The following CACNA1D variants were observed in gnomAD, a reference collection of about 807,000 sequenced individuals.
CACNA1D encodes voltage-dependent L-type calcium channel subunit alpha-1D.
Under a neutral mutation model 257.1 loss-of-function variants are expected in CACNA1D, and 55 were observed. The observed-to-expected ratio is 0.21, with a 90% CI of 0.17 to 0.27. The LOEUF is 0.27. Among genes scored for constraint, CACNA1D ranks in the 10% least tolerant of loss-of-function variants. The pLI, the probability that CACNA1D is intolerant of heterozygous loss-of-function variation, is 1.00. For missense variants in CACNA1D, 1,876 were observed against 2,784.0 expected (o/e 0.67, Z 7.34); for synonymous variants, 980 against 1,014.9 (o/e 0.97, Z 0.65).
chr3:53,547,559 C>T (rs188931608), intron 3 of CACNA1D, among the ~76,000 whole-genome samples: 1 of 152,222 alleles, frequency 6.6e-6, no homozygotes, highest in African/African-American at 2.4e-5. Context: ...AGGGTTCTGC[C>T]TTCCTGTATT....
chr3:53,729,109 T>C (rs1343741479), intron 15 of CACNA1D, among the ~76,000 whole-genome samples: 1 of 152,152 alleles, frequency 6.6e-6, no homozygotes, highest in Non-Finnish European at 1.5e-5. Flanking sequence ...CGAGTTACCA[T>C]TACCCCAGGC....
rs1272384369 is a variant in CACNA1D, at chr3:53,791,045, G to T, written c.4923+4093G>T. On this transcript the variant is annotated intron_variant, in intron 40 of 47. Transcript: ENST00000350061. ...CGGCACCAAGCTGGTTAGTCGGAAGGCGTTTGTGGCTAAGGCCTTGAAAGG... is the reference window on the plus strand; with the variant it reads ...CGGCACCAAGCTGGTTAGTCGGAAGTCGTTTGTGGCTAAGGCCTTGAAAGG... 4.3e-6 allele frequency: 3 copies of T among 702,152 alleles called. No individual in the cohort carries two copies. In the African/African-American group the frequency reaches 5.2e-5, roughly 12 times the overall value. The allele number at this position is 702,152 out of a possible 1,614,324, so 43.5% of individuals were successfully genotyped here.
At chr3:53,517,023 G>A (rs1252917411) in intron 3 of CACNA1D, among the ~76,000 whole-genome samples, 1 of 152,130 alleles carries the variant, frequency 6.6e-6, no homozygotes, top group African/African-American at 2.4e-5. Context: ...ACTTTACTTC[G>A]TTGTGACCCT....
rs568186948 is a variant in CACNA1D, at chr3:53,495,097, C to T, written c.-70C>T. On this transcript the variant is annotated 5_prime_UTR_variant, in exon 1 of 48. Transcript: ENST00000350061. This position sits in a 1 kb window ranked among gnomAD's most constrained non-coding sequence, Gnocchi z 5.1. ...TCCTACCTCTTGGTGATCCCCTTCC[C>T]CATTCCGCCCCCGCCTCAACGCCCA... 1.1e-5 allele frequency: 13 copies of T among 1,232,426 alleles called. No homozygotes were observed. In the African/African-American group the frequency reaches 1.9e-4, roughly 18 times the overall value. 76.3% of individuals were successfully genotyped at this position (1,232,426 alleles called of 1,614,324 possible).
rs181593786 is a variant in CACNA1D, at chr3:53,784,879, G to A, written c.4793-1943G>A. ...GCTGGAGACGGCCATCTCTGGAGAG[G>A]TGGTATGAAGGATAGGATCCCAGAC... On this transcript the variant is annotated intron_variant, in intron 39 of 47. Transcript: ENST00000350061. 3.2e-4 allele frequency among the ~76,000 whole-genome samples: 48 copies of A among 152,322 alleles called. 1 individual carries two copies. The highest frequency in any genetic ancestry group is 2.8e-3 in the Admixed American group (43 of 15,304).
intron 3 of CACNA1D, among the ~76,000 whole-genome samples, chr3:53,533,376 A>C (rs2092010616): frequency 6.6e-6 from 1 of 152,150 alleles, no homozygotes; most frequent in South Asian, 2.1e-4. Context: ...AATGGGAAAG[A>C]GATTGGGGTG....
intron 3 of CACNA1D, among the ~76,000 whole-genome samples, chr3:53,559,932 CAG>C (rs1279696687): frequency 1.3e-5 from 2 of 148,842 alleles, no homozygotes; most frequent in Admixed American, 6.7e-5. Flanking sequence ...TCTTCTTTCT[CAG>C]AGTTTTAGGT....
At chr3:53,556,035 T>G (rs990821400) in intron 3 of CACNA1D, among the ~76,000 whole-genome samples, 1 of 152,202 alleles carries the variant, frequency 6.6e-6, no homozygotes, top group East Asian at 1.9e-4. Flanking sequence ...TGCTATAGTT[T>G]TGTCATTTCC....
rs931051820 is a variant in CACNA1D at position 53,731,234 on chromosome 3, C to G, written c.2406+88C>G. 1.3e-5 allele frequency: 11 copies of G among 863,822 alleles called. No individual in the cohort carries two copies. In the African/African-American group the frequency reaches 1.3e-4, roughly 10 times the overall value. The allele number at this position is 863,822 out of a possible 1,614,324, so 53.5% of individuals were successfully genotyped here. ...TGTACCATTTACACTGTGGAAGTGT[C>G]TTGTGTATCATTCTTGTAATATTTT... is the stretch of plus-strand genomic sequence containing the variant. On this transcript the variant is annotated intron_variant, in intron 17 of 47. Transcript: ENST00000350061.
At chr3:53,621,950 T>G (rs2108043438) in intron 3 of CACNA1D, among the ~76,000 whole-genome samples, 1 of 152,232 alleles carries the variant, frequency 6.6e-6, no homozygotes, top group East Asian at 1.9e-4. Flanking sequence ...ATGAAAAAGC[T>G]AATAAAACTA....
intron 32 of CACNA1D, among the ~76,000 whole-genome samples, chr3:53,771,410 C>T (rs745396573): frequency 2.6e-5 from 4 of 152,226 alleles, no homozygotes; most frequent in Non-Finnish European, 5.9e-5. Flanking sequence ...TCACCCACCC[C>T]TGGGGTAACC....
chr3:53,781,454 T>G, intron 38 of CACNA1D, 112 bp from the exon 39 acceptor site: 1 of 746,752 alleles, frequency 1.3e-6, no homozygotes, highest in East Asian at 2.6e-5. Context: ...TGGAGCCCCA[T>G]CAGAGGGCAG....
chr3:53,676,670 G>A lies in CACNA1D; in HGVS notation c.1220+3544G>A, dbSNP rs149134284. 2.1e-4 allele frequency among the ~76,000 whole-genome samples: 32 copies of A among 152,332 alleles called. 2 individuals carry two copies. The South Asian group carries it at 2.3e-3, about 11-fold the overall frequency. On this transcript the variant is annotated intron_variant, in intron 8 of 47. Transcript: ENST00000350061. ...GTATCTGTTTTTGCTCCTTGGCTCC[G>A]TCATGTGTGTGGCCATGCCATCCTA...
chr3:53,639,969 C>T (rs566850938), intron 3 of CACNA1D, among the ~76,000 whole-genome samples: 1 of 148,832 alleles, frequency 6.7e-6, no homozygotes, highest in South Asian at 2.2e-4. Flanking sequence ...TCAAACAATT[C>T]TCATGCCTCA....
chr3:53,707,931 A>G (rs2094708679), intron 9 of CACNA1D, among the ~76,000 whole-genome samples: 2 of 152,246 alleles, frequency 1.3e-5, no homozygotes, highest in African/African-American at 4.8e-5. Flanking sequence ...TTGATGCCCA[A>G]AGAAAGGGAG....
chr3:53,513,111 A>C (rs958376150), intron 3 of CACNA1D, among the ~76,000 whole-genome samples: 1 of 152,156 alleles, frequency 6.6e-6, no homozygotes, highest in African/African-American at 2.4e-5. Context: ...TGTCTTTCTG[A>C]CTATAACTGG....
chr3:53,560,026 G>A (rs2092710061), intron 3 of CACNA1D, among the ~76,000 whole-genome samples: 1 of 147,750 alleles, frequency 6.8e-6, no homozygotes, highest in African/African-American at 2.5e-5. Flanking sequence ...AAAAAACAAA[G>A]CAATACAGAT....
chr3:53,810,514 T>A (rs1576753658), intron 47 of CACNA1D: 1 of 604,532 alleles, frequency 1.7e-6, no homozygotes, highest in Non-Finnish European at 3.0e-6. Context: ...CTCAGCACTT[T>A]GGGAGGCCGA....
chr3:53,578,023 A>G (rs1283730180), intron 3 of CACNA1D, among the ~76,000 whole-genome samples: 1 of 152,166 alleles, frequency 6.6e-6, no homozygotes, highest in Non-Finnish European at 1.5e-5. Context: ...TCAGTCAAAA[A>G]TTACGTATGG....
Sources: gnomAD v4.1 joint callset for allele counts (sites outside exome capture counted in the v4.1 genomes callset) on GRCh38, gnomAD v4.1.1 for gene constraint, Gnocchi (gnomAD v3.1) non-coding constraint, MANE v1.5 for transcripts, NCBI Gene and HGNC (gene_info 2026-07-23, HGNC 2026-07-21) for gene names.